The following DNMT3A variants were observed in gnomAD, a reference collection of about 807,000 sequenced individuals.
DNMT3A encodes the protein DNA (cytosine-5)-methyltransferase 3A.
DNMT3A carries 267 observed loss-of-function variants against 117.6 expected under a neutral mutation model. That is an observed-to-expected ratio of 2.27 (90% CI 2.05 to 2.51). DNMT3A has a LOEUF of 2.51. DNMT3A is among the 30% of genes most tolerant of loss of function. The pLI is 0.00. For missense variants in DNMT3A, 1,029 were observed against 1,260.2 expected (o/e 0.82, Z 2.78); for synonymous variants, 432 against 474.8 (o/e 0.91, Z 1.17).
intron 5 of DNMT3A, among the ~76,000 whole-genome samples, 186 bp from the exon 6 acceptor site, chr2:25,275,273 T>C (rs955820240): frequency 2.0e-5 from 3 of 151,880 alleles, no homozygotes; most frequent in African/African-American, 7.3e-5. Context: ...GGGGGGCACA[T>C]GGACACGGCC....
At position 25,246,278 on chromosome 2, in the gene DNMT3A, C is replaced by CGT; in HGVS notation, c.1309_1310dup (p.Asp438ArgfsTer214). ...CTGCCTCAGGTTCCACCCACATGTC[C>CGT]GTGTACACTTCTTTGTAGGGATTCT... On this transcript the variant is annotated frameshift_variant, in exon 11 of 23. Coordinates refer to ENST00000321117, the MANE Select transcript of DNMT3A (RefSeq NM_022552.5). LOFTEE classifies it high-confidence loss of function. 1 of 1,613,128 alleles carries CGT rather than the reference C, an allele frequency of 6.2e-7. No individual in the cohort carries two copies. The highest frequency in any genetic ancestry group is 8.5e-7 in the Non-Finnish European group (1 of 1,179,588).
chr2:25,232,891 G>A lies in DNMT3A; in HGVS notation c.*1388C>T, dbSNP rs567426281. Reference sequence around the variant, plus strand: ...CCAAAAACATCACATTCCAGGGGCCGGGAGCCGCCTTGTGCACAGAGGGGT... The same window carrying A: ...CCAAAAACATCACATTCCAGGGGCCAGGAGCCGCCTTGTGCACAGAGGGGT... On this transcript the variant is annotated 3_prime_UTR_variant, in exon 23 of 23. Coordinates refer to ENST00000321117, the MANE Select transcript of DNMT3A (RefSeq NM_022552.5). This position sits in a 1 kb window ranked among gnomAD's most constrained non-coding sequence, Gnocchi z 4.1. 10 of 229,124 alleles carry A rather than the reference G, an allele frequency of 4.4e-5. No homozygotes were observed. Among genetic ancestry groups the A allele is most frequent in the South Asian group, 3.6e-4 (2 of 5,502 alleles). 14.2% of individuals were successfully genotyped at this position (229,124 alleles called of 1,614,324 possible).
rs2033676569 is a variant in DNMT3A at position 25,304,393 on chromosome 2, C to T, written c.73-4150G>A. Among the ~76,000 whole-genome samples the T allele has an allele frequency of 2.0e-5, 3 of 152,284 alleles. 1 individual carries two copies. In the South Asian group the frequency reaches 6.2e-4, roughly 32 times the overall value. ...ATAGTCACTCGAGAACTGCTACCTTCCCCCGCTCCACACATCCTGATTCGT... is the reference window on the plus strand; with the variant it reads ...ATAGTCACTCGAGAACTGCTACCTTTCCCCGCTCCACACATCCTGATTCGT... On this transcript the variant is annotated intron_variant, in intron 2 of 22. Transcript: ENST00000321117. This position sits in a 1 kb window ranked among gnomAD's most constrained non-coding sequence, Gnocchi z 4.3.
In DNMT3A at chr2:25,327,469, A is replaced by T. The variant is rs1404611292; in HGVS notation, c.-177-13308T>A. On this transcript the variant is annotated intron_variant, in intron 1 of 22. Transcript: ENST00000321117. This position sits in a 1 kb window ranked among gnomAD's most constrained non-coding sequence, Gnocchi z 4.1. ...AGTGAAAGGAGACCCCTGCTTCTGGAGCTCACCAGCAACTGCCTTCTGTGT... is the reference window on the plus strand; with the variant it reads ...AGTGAAAGGAGACCCCTGCTTCTGGTGCTCACCAGCAACTGCCTTCTGTGT... Among the ~76,000 whole-genome samples, 2 of 152,014 alleles carry T rather than the reference A, an allele frequency of 1.3e-5. No homozygotes were observed. Among genetic ancestry groups the T allele is most frequent in the African/African-American group, 4.8e-5 (2 of 41,374 alleles).
chr2:25,277,420 T>A (rs56089703), intron 4 of DNMT3A, among the ~76,000 whole-genome samples: 44,043 of 151,836 alleles, frequency 0.29, 6,491 homozygotes, highest in Middle Eastern at 0.39. Flanking sequence ...CTGCTCGCGA[T>A]CAGGTGGCGG....
At chr2:25,260,390 G>A (rs1367332636) in intron 6 of DNMT3A, among the ~76,000 whole-genome samples, 1 of 152,150 alleles carries the variant, frequency 6.6e-6, no homozygotes, top group Non-Finnish European at 1.5e-5. Flanking sequence ...GTTCTGGTGA[G>A]GTAACACACA....
At position 25,252,125 on chromosome 2, in the gene DNMT3A, G is replaced by A; in HGVS notation, c.640-3873C>T. On this transcript the variant is annotated intron_variant, in intron 6 of 22. Transcript: ENST00000321117. The surrounding 1 kb of genome is among the most constrained non-coding windows in gnomAD (Gnocchi z 5.5). ...ACTCTTTTCAAACCCGGAGGGCTGC[G>A]GAGATCCTCCCACCGGCCCTGCCGC... is the stretch of plus-strand genomic sequence containing the variant. The A allele has an allele frequency of 5.2e-6, 8 of 1,531,266 alleles. No individual in the cohort carries two copies. The highest frequency in any genetic ancestry group is 7.0e-6 in the Non-Finnish European group (8 of 1,136,092). The allele number at this position is 1,531,266 out of a possible 1,614,324, so 94.9% of individuals were successfully genotyped here.
rs1006040704 is a variant in DNMT3A at position 25,275,480 on chromosome 2, C to G, written c.492+20G>C. 1 of 1,593,054 alleles carries G rather than the reference C, an allele frequency of 6.3e-7. No homozygotes were observed. The highest frequency in any genetic ancestry group is 1.4e-5 in the African/African-American group (1 of 73,400). On this transcript the variant is annotated intron_variant, in intron 5 of 22. Coordinates refer to ENST00000321117, the MANE Select transcript of DNMT3A (RefSeq NM_022552.5). ...TTCTAGAATCAGGATCCACAGAGCCCCTGGGGGTGGAACACTTGCCTCCAT... is the reference window on the plus strand; with the variant it reads ...TTCTAGAATCAGGATCCACAGAGCCGCTGGGGGTGGAACACTTGCCTCCAT...
intron 1 of DNMT3A, among the ~76,000 whole-genome samples, chr2:25,319,895 G>A (rs1301882500): frequency 3.3e-5 from 5 of 151,616 alleles, no homozygotes; most frequent in East Asian, 1.9e-4. Flanking sequence ...TCAGCCTCAC[G>A]AGTAGCTGGG....
intron 6 of DNMT3A, among the ~76,000 whole-genome samples, chr2:25,250,714 T>C (rs1443466152): frequency 6.6e-6 from 1 of 152,220 alleles, no homozygotes. Context: ...CTTCTCAAGC[T>C]TCAGGCATGG....
rs746665523 is a variant in DNMT3A, at chr2:25,293,215, C to T, written c.177+6924G>A. Among the ~76,000 whole-genome samples the T allele has an allele frequency of 6.6e-6, 1 of 152,104 alleles. No individual in the cohort carries two copies. Among genetic ancestry groups the T allele is most frequent in the African/African-American group, 2.4e-5 (1 of 41,422 alleles). On this transcript the variant is annotated intron_variant, in intron 3 of 22. Coordinates refer to ENST00000321117, the MANE Select transcript of DNMT3A (RefSeq NM_022552.5). The surrounding 1 kb of genome is among the most constrained non-coding windows in gnomAD (Gnocchi z 4.7). ...TCCTCTCCAGCGTTCCCAGGGCCAGCAGCATAGGCTTGGCCAATTCTGCCC... is the reference window on the plus strand; with the variant it reads ...TCCTCTCCAGCGTTCCCAGGGCCAGTAGCATAGGCTTGGCCAATTCTGCCC...
chr2:25,244,541 T>G lies in DNMT3A; in HGVS notation c.1666A>C (p.Arg556=). Residue 556 remains arginine (R), a splice_region_variant and synonymous_variant, in exon 14 of 23, where the codon AGG becomes CGG. Transcript: ENST00000321117. ...CACTGGAGGCCACAACAGCCTCACCTGCAGCAGTTGTTGTTTCCGCACATG... is the reference window on the plus strand; with the variant it reads ...CACTGGAGGCCACAACAGCCTCACCGGCAGCAGTTGTTGTTTCCGCACATG... ...VLMCGNNNCC[R]CFCVECVDLL... 1 of 1,614,112 alleles carries G rather than the reference T, an allele frequency of 6.2e-7. No individual in the cohort carries two copies. The highest frequency in any genetic ancestry group is 1.1e-5 in the South Asian group (1 of 91,082).
In DNMT3A at chr2:25,337,649, ATC is replaced by A. The variant is rs2149453412; in HGVS notation, c.-178+4175_-178+4176del. 6.6e-6 allele frequency among the ~76,000 whole-genome samples: 1 copy of A among 152,308 alleles called. No homozygotes were observed. Among genetic ancestry groups the A allele is most frequent in the South Asian group, 2.1e-4 (1 of 4,826 alleles). ...GTGGCGGCACACCACGTACACACAC[ATC>A]ATGCACAGACACATGTGCACTGAAC... On this transcript the variant is annotated intron_variant, in intron 1 of 22. Transcript: ENST00000321117. This position sits in a 1 kb window ranked among gnomAD's most constrained non-coding sequence, Gnocchi z 5.0.
intron 2 of DNMT3A, among the ~76,000 whole-genome samples, chr2:25,300,813 C>A (rs1287246241): frequency 1.6e-5 from 2 of 121,640 alleles, no homozygotes; most frequent in Non-Finnish European, 3.4e-5. Flanking sequence ...CGCTGCTGTC[C>A]CCCCGGAAGG....
chr2:25,247,934 C>G lies in DNMT3A; in HGVS notation c.855+103G>C. 6.5e-7 allele frequency: 1 copy of G among 1,545,414 alleles called. No individual in the cohort carries two copies. Among genetic ancestry groups the G allele is most frequent in the African/African-American group, 1.4e-5 (1 of 72,956 alleles). On this transcript the variant is annotated intron_variant, in intron 7 of 22. Transcript: ENST00000321117. This position sits in a 1 kb window ranked among gnomAD's most constrained non-coding sequence, Gnocchi z 5.6. ...GAGGCCCGGGGTCAGGTGGAGAGAG[C>G]GAGCGGCCCGTGGGAGATGGAGAGA...
At chr2:25,340,035 G>A (rs2035353283) in intron 1 of DNMT3A, among the ~76,000 whole-genome samples, 1 of 152,244 alleles carries the variant, frequency 6.6e-6, no homozygotes, top group African/African-American at 2.4e-5. Flanking sequence ...ACGGCAGTGA[G>A]GGGCAAGTTG....
chr2:25,235,266 C>T (rs1480205215), intron 22 of DNMT3A, among the ~76,000 whole-genome samples: 1 of 151,910 alleles, frequency 6.6e-6, no homozygotes, highest in Non-Finnish European at 1.5e-5. Flanking sequence ...CTCACTGCAA[C>T]CTCCACCTCC....
chr2:25,245,980 C>T, intron 12 of DNMT3A, 40 bp downstream of exon 12: 1 of 1,613,350 alleles, frequency 6.2e-7, no homozygotes, highest in Non-Finnish European at 8.5e-7. Flanking sequence ...CTGCCCCATG[C>T]CACACTAGGA....
At chr2:25,340,780 G>C (rs969326164) in intron 1 of DNMT3A, among the ~76,000 whole-genome samples, 3 of 151,282 alleles carry the variant, frequency 2.0e-5, no homozygotes, top group Non-Finnish European at 4.4e-5. Flanking sequence ...TGCTGGAGGG[G>C]CGACCCCGGG....
Sources: gnomAD v4.1 joint callset for allele counts (sites outside exome capture counted in the v4.1 genomes callset) on GRCh38, gnomAD v4.1.1 for gene constraint, Gnocchi (gnomAD v3.1) non-coding constraint, MANE v1.5 for transcripts, NCBI Gene and HGNC (gene_info 2026-07-23, HGNC 2026-07-21) for gene names.